The following ZNF804B variants were observed in gnomAD, a reference collection of about 807,000 sequenced individuals.
ZNF804B encodes the protein zinc finger protein 804B, also known as zinc finger 804B.
ZNF804B carries 80 observed loss-of-function variants against 101.4 expected under a neutral mutation model. The ratio of observed to expected loss-of-function variants is 0.79; its 90% CI spans 0.66 to 0.95. The LOEUF is 0.95. Among genes scored for constraint, ZNF804B ranks in the 40% least tolerant of loss-of-function variants. The pLI, the probability that ZNF804B is intolerant of heterozygous loss-of-function variation, is 0.00. For missense variants in ZNF804B, 1,673 were observed against 1,561.9 expected (o/e 1.07, Z -1.20); for synonymous variants, 622 against 558.8 (o/e 1.11, Z -1.59).
chr7:89,093,061 A>G (rs1200650844), intron 1 of ZNF804B, among the ~76,000 whole-genome samples: 1 of 152,202 alleles, frequency 6.6e-6, no homozygotes, highest in Non-Finnish European at 1.5e-5. Context: ...AAATGAGTTC[A>G]TATTGCTATT....
At chr7:89,249,556 G>A (rs1185510105) in intron 2 of ZNF804B, among the ~76,000 whole-genome samples, 1 of 151,616 alleles carries the variant, frequency 6.6e-6, no homozygotes, top group Non-Finnish European at 1.5e-5. Context: ...CAAAACTAAG[G>A]CAGAAATTAA....
intron 1 of ZNF804B, among the ~76,000 whole-genome samples, chr7:88,945,174 C>A: frequency 6.6e-6 from 1 of 151,986 alleles, no homozygotes; most frequent in East Asian, 1.9e-4. Context: ...ATGTCTATGT[C>A]CTGAATGGTA....
intron 1 of ZNF804B, among the ~76,000 whole-genome samples, chr7:89,151,958 T>A (rs565472945): frequency 6.6e-6 from 1 of 152,248 alleles, no homozygotes; most frequent in Admixed American, 6.6e-5. Context: ...TATTATTGAA[T>A]GTTGGGCTTT....
intron 1 of ZNF804B, among the ~76,000 whole-genome samples, chr7:88,773,700 C>A (rs1454293058): frequency 6.6e-6 from 1 of 151,956 alleles, no homozygotes; most frequent in Admixed American, 6.6e-5. Flanking sequence ...TAGCATGGTG[C>A]TGGCATCTGC....
chr7:89,017,700 C>G (rs1289738734), intron 1 of ZNF804B, among the ~76,000 whole-genome samples: 1 of 152,108 alleles, frequency 6.6e-6, no homozygotes, highest in Admixed American at 6.6e-5. Context: ...TTTCTTTCAT[C>G]AGTGTTGTAT....
In ZNF804B at chr7:88,791,443, A is replaced by T. The variant is rs538503867; in HGVS notation, c.108+31359A>T. 3.3e-5 allele frequency among the ~76,000 whole-genome samples: 5 copies of T among 152,130 alleles called. No individual in the cohort carries two copies. The South Asian group carries it at 1.0e-3, about 32-fold the overall frequency. ...CCTTCATGAATTCTTTAAAATTACG[A>T]TATGCTAAGTAAATCAGCAATTTTA... On this transcript the variant is annotated intron_variant, in intron 1 of 3. Coordinates refer to ENST00000333190, the MANE Select transcript of ZNF804B (RefSeq NM_181646.5).
chr7:88,926,827 A>G (rs1000741699), intron 1 of ZNF804B, among the ~76,000 whole-genome samples: 1 of 151,960 alleles, frequency 6.6e-6, no homozygotes, highest in African/African-American at 2.4e-5. Flanking sequence ...CTTACAGCCA[A>G]TGTAAGATAA....
At chr7:89,285,546 A>AAAAAAAAAAAGAAGAAGAAG (rs1554389597) in intron 2 of ZNF804B, among the ~76,000 whole-genome samples, 5 of 93,420 alleles carry the variant, frequency 5.4e-5, no homozygotes, top group African/African-American at 2.5e-4. Flanking sequence ...AAAAAAAAAA[A>AAAAAAAAAAAGAAGAAGAAG]AAGAAGAAGA....
chr7:88,991,655 A>C (rs927919329), intron 1 of ZNF804B, among the ~76,000 whole-genome samples: 26 of 152,184 alleles, frequency 1.7e-4, no homozygotes, highest in Non-Finnish European at 2.9e-5. Context: ...CTGCTGGAGC[A>C]GTCATAGAGC....
At chr7:89,124,752 G>T (rs550000730) in intron 1 of ZNF804B, among the ~76,000 whole-genome samples, 9 of 152,234 alleles carry the variant, frequency 5.9e-5, no homozygotes, top group African/African-American at 1.9e-4. Flanking sequence ...ATAGAGACTT[G>T]TGGTTTTATT....
At chr7:88,911,550 G>GT (rs1396857292) in intron 1 of ZNF804B, among the ~76,000 whole-genome samples, 2 of 149,860 alleles carry the variant, frequency 1.3e-5, no homozygotes, top group Non-Finnish European at 3.0e-5. Flanking sequence ...CTAATATATT[G>GT]TAAGGCTACA....
chr7:89,322,952 T>C (rs1475132021), intron 2 of ZNF804B, among the ~76,000 whole-genome samples: 1 of 152,234 alleles, frequency 6.6e-6, no homozygotes, highest in Non-Finnish European at 1.5e-5. Flanking sequence ...GTATTTGTTA[T>C]AGACCATAAG....
At chr7:89,132,339 T>G (rs956244821) in intron 1 of ZNF804B, among the ~76,000 whole-genome samples, 13 of 151,924 alleles carry the variant, frequency 8.6e-5, no homozygotes, top group Admixed American at 5.9e-4. Context: ...ACAAAGACGC[T>G]ATCTTGAAGT....
At chr7:89,152,647 A>G (rs541906148) in intron 1 of ZNF804B, among the ~76,000 whole-genome samples, 1 of 152,292 alleles carries the variant, frequency 6.6e-6, no homozygotes, top group East Asian at 1.9e-4. Flanking sequence ...ATAATCATAC[A>G]TGGTTTTATC....
chr7:89,313,326 A>G (rs1325424309), intron 2 of ZNF804B, among the ~76,000 whole-genome samples: 1 of 152,196 alleles, frequency 6.6e-6, no homozygotes, highest in African/African-American at 2.4e-5. Flanking sequence ...ACACATGGAA[A>G]TTATCCTGGG....
intron 1 of ZNF804B, among the ~76,000 whole-genome samples, chr7:89,085,615 C>A (rs1789786750): frequency 6.6e-6 from 1 of 151,810 alleles, no homozygotes; most frequent in South Asian, 2.1e-4. Flanking sequence ...ACTCAAATGA[C>A]CTCATTCCAT....
intron 2 of ZNF804B, among the ~76,000 whole-genome samples, chr7:89,249,296 C>T (rs1584082305): frequency 6.6e-6 from 1 of 152,152 alleles, no homozygotes; most frequent in African/African-American, 2.4e-5. Flanking sequence ...TATATATGTA[C>T]AGAACACTCT....
intron 1 of ZNF804B, among the ~76,000 whole-genome samples, chr7:88,989,017 T>TTTATTA (rs564613960): frequency 1.5e-4 from 23 of 151,356 alleles, no homozygotes; most frequent in Admixed American, 5.9e-4. Flanking sequence ...CAGGGTTTTA[T>TTTATTA]TTATTATTAT....
chr7:88,842,956 A>G (rs1583970586), intron 1 of ZNF804B, among the ~76,000 whole-genome samples: 2 of 152,316 alleles, frequency 1.3e-5, no homozygotes, highest in East Asian at 3.9e-4. Flanking sequence ...TAATTGAAAT[A>G]TGTTCATAAT....
Sources: allele counts gnomAD v4.1 joint callset (sites outside exome capture counted in the v4.1 genomes callset), GRCh38; gene constraint gnomAD v4.1.1; transcripts MANE v1.5; gene names NCBI Gene and HGNC (gene_info 2026-07-23, HGNC 2026-07-21).